Variants in TMPRSS7 observed in about 807,000 individuals in gnomAD.
TMPRSS7 encodes transmembrane serine protease 7.
In TMPRSS7, 81 loss-of-function variants were observed where a neutral mutation model predicts 95.6. The ratio of observed to expected loss-of-function variants is 0.85; its 90% confidence interval spans 0.71 to 1.02. TMPRSS7 has a LOEUF of 1.02. TMPRSS7 is among the 50% of genes least tolerant of loss of function. TMPRSS7 has a pLI of 0.00. For synonymous variants in TMPRSS7, 364 were observed against 337.8 expected (o/e 1.08, Z -0.85); for missense variants, 945 against 955.2 (o/e 0.99, Z 0.14).
At chr3:112,050,522 GAA>G (rs568785162) in intron 8 of TMPRSS7, 147 bp from the exon 9 acceptor site, 32 of 169,090 alleles carry the variant, frequency 1.9e-4, no homozygotes, top group African/African-American at 3.4e-4. Context: ...CCTTTCTTCT[GAA>G]AAAAAAAAAA....
intron 13 of TMPRSS7, among the ~76,000 whole-genome samples, chr3:112,069,443 T>C (rs139005499): frequency 6.6e-6 from 1 of 152,188 alleles, no homozygotes; most frequent in Non-Finnish European, 1.5e-5. Context: ...TGGCTGTGAA[T>C]CTGTCTGGTC....
chr3:112,062,235 G>A (rs2073517943), intron 11 of TMPRSS7, among the ~76,000 whole-genome samples: 1 of 152,130 alleles, frequency 6.6e-6, no homozygotes, highest in African/African-American at 2.4e-5. Context: ...TTGGTTTGTA[G>A]TTCTTGCTAG....
chr3:112,034,966 G>A, intron 1 of TMPRSS7, 73 bp downstream of exon 1: 1 of 694,832 alleles, frequency 1.4e-6, no homozygotes, highest in Non-Finnish European at 2.6e-6. Flanking sequence ...AAATGAGATT[G>A]TATGACCTTA....
At chr3:112,070,063 T>A (rs1164910085) in intron 13 of TMPRSS7, among the ~76,000 whole-genome samples, 1 of 152,244 alleles carries the variant, frequency 6.6e-6, no homozygotes, top group African/African-American at 2.4e-5. Context: ...ACATCTTTAT[T>A]TCTGCCTTCA....
chr3:112,058,121 G>C (rs887706948), intron 10 of TMPRSS7, among the ~76,000 whole-genome samples: 7 of 152,234 alleles, frequency 4.6e-5, no homozygotes, highest in Admixed American at 2.6e-4. Context: ...TAAAGGATTT[G>C]CTGCTACTTC....
At chr3:112,044,060 A>G (rs997475041) in intron 3 of TMPRSS7, among the ~76,000 whole-genome samples, 195 bp from the exon 4 acceptor site, 4 of 152,228 alleles carry the variant, frequency 2.6e-5, no homozygotes, top group African/African-American at 9.6e-5. Flanking sequence ...GAATGAAAGT[A>G]AGTCACTCAA....
At chr3:112,075,658 T>C (rs57851365) in intron 15 of TMPRSS7, among the ~76,000 whole-genome samples, 166 bp downstream of exon 15, 4,558 of 152,264 alleles carry the variant, frequency 0.03, 193 homozygotes, top group African/African-American at 0.088. Context: ...TTTTAAGGTA[T>C]TATTGGTATA....
chr3:112,046,577 T>C (rs1451627804), intron 5 of TMPRSS7, among the ~76,000 whole-genome samples: 2 of 152,168 alleles, frequency 1.3e-5, no homozygotes, highest in Non-Finnish European at 1.5e-5. Context: ...CTGACAAATA[T>C]TTGTTAAATA....
chr3:112,039,277 T>C (rs2073182129), intron 2 of TMPRSS7, among the ~76,000 whole-genome samples: 1 of 152,242 alleles, frequency 6.6e-6, no homozygotes, highest in Non-Finnish European at 1.5e-5. Context: ...AATACATAGT[T>C]ATTCTGTGCC....
chr3:112,063,025 G>A (rs139756233), intron 11 of TMPRSS7, among the ~76,000 whole-genome samples: 1 of 152,178 alleles, frequency 6.6e-6, no homozygotes, highest in Non-Finnish European at 1.5e-5. Context: ...AACGTGATAA[G>A]AGCAGTGGTT....
At chr3:112,061,753 A>G (rs948534435) in intron 10 of TMPRSS7, 34 bp from the exon 11 acceptor site, 5 of 1,561,742 alleles carry the variant, frequency 3.2e-6, no homozygotes, top group African/African-American at 1.4e-5. Context: ...CAGAACCTCA[A>G]GCTGTGTATT....
At chr3:112,051,919 C>T (rs1052144523) in intron 9 of TMPRSS7, among the ~76,000 whole-genome samples, 3 of 151,986 alleles carry the variant, frequency 2.0e-5, no homozygotes, top group Non-Finnish European at 4.4e-5. Context: ...ATGTTGTTTG[C>T]GTTTATTCAA....
intron 13 of TMPRSS7, among the ~76,000 whole-genome samples, chr3:112,066,821 CT>C (rs572910213): frequency 1.3e-5 from 2 of 151,858 alleles, no homozygotes; most frequent in African/African-American, 2.4e-5. Context: ...GTTGAAAACA[CT>C]TTTTTTCTTT....
chr3:112,062,987 G>A (rs575720367), intron 11 of TMPRSS7, among the ~76,000 whole-genome samples: 2 of 152,174 alleles, frequency 1.3e-5, no homozygotes, highest in Non-Finnish European at 1.5e-5. Flanking sequence ...GTCTGGGTTC[G>A]AGGCCAGTAA....
chr3:112,043,196 C>A, intron 3 of TMPRSS7: 1 of 437,988 alleles, frequency 2.3e-6, no homozygotes, highest in Non-Finnish European at 4.6e-6. Context: ...CACACCCAGG[C>A]TAGATGGTAT....
Position 112,065,645 on chromosome 3 carries a change from A to G in TMPRSS7, c.1556-747A>G, listed in dbSNP as rs530593048. On this transcript the variant is annotated intron_variant, in intron 12 of 17. Transcript: ENST00000452346. ...ACCTAATGAACAATTTTAGGGCAGC[A>G]ATATCCTCCTACCTGCCCTCACAAG... Among the ~76,000 whole-genome samples the G allele has an allele frequency of 1.6e-4, 24 of 152,340 alleles. No individual in the cohort carries two copies. The East Asian group carries it at 3.3e-3, about 21-fold the overall frequency.
intron 1 of TMPRSS7, among the ~76,000 whole-genome samples, chr3:112,037,768 C>T (rs368607945): frequency 5.2e-4 from 79 of 152,174 alleles, no homozygotes; most frequent in African/African-American, 1.7e-3. Flanking sequence ...TTTCTCAGAC[C>T]GGCCGACACT....
chr3:112,050,869 G>T (rs1252780856), intron 9 of TMPRSS7, 86 bp downstream of exon 9: 2 of 643,594 alleles, frequency 3.1e-6, no homozygotes, highest in South Asian at 2.7e-5. Context: ...AATTACAAAA[G>T]AATATTGCTT....
intron 1 of TMPRSS7, among the ~76,000 whole-genome samples, chr3:112,036,631 A>C (rs1308418215): frequency 6.6e-6 from 1 of 151,948 alleles, no homozygotes; most frequent in East Asian, 1.9e-4. Context: ...TAGAATCTTA[A>C]CCTTAACCTC....
Sources: gnomAD v4.1 joint callset for allele counts (sites outside exome capture counted in the v4.1 genomes callset) on GRCh38, gnomAD v4.1.1 for gene constraint, MANE v1.5 for transcripts, NCBI Gene and HGNC (gene_info 2026-07-23, HGNC 2026-07-21) for gene names.